MINDY3: variants seen among roughly 807,000 people sequenced by gnomAD.
MINDY3 encodes the protein ubiquitin carboxyl-terminal hydrolase MINDY-3.
Under a neutral mutation model 69.2 loss-of-function variants are expected in MINDY3, and 38 were observed. That is an observed-to-expected ratio of 0.55 (90% CI 0.42 to 0.72). MINDY3 has a LOEUF of 0.72. MINDY3 is among the 30% of genes least tolerant of loss of function. MINDY3 has a pLI of 0.00. For missense variants in MINDY3, 522 were observed against 519.0 expected, an observed-to-expected ratio of 1.01 and a Z score of -0.06; for synonymous variants, 192 against 180.1, an observed-to-expected ratio of 1.07 and a Z score of -0.53.
chr10:15,818,576 T>C (rs1160973090), intron 9 of MINDY3, among the ~76,000 whole-genome samples: 1 of 152,108 alleles, frequency 6.6e-6, no homozygotes, highest in African/African-American at 2.4e-5. Flanking sequence ...GCCCTAGTCA[T>C]AACAGCTAAA....
intron 8 of MINDY3, among the ~76,000 whole-genome samples, chr10:15,822,279 A>G (rs966263052): frequency 2.0e-5 from 3 of 152,182 alleles, no homozygotes; most frequent in African/African-American, 7.2e-5. Context: ...TCTGCCTTAG[A>G]AAGGCTATGA....
intron 12 of MINDY3, chr10:15,788,941 T>C: frequency 4.5e-6 from 1 of 220,334 alleles, no homozygotes; most frequent in South Asian, 8.8e-5. Context: ...GATACTAATG[T>C]CACATAAAAT....
chr10:15,815,818 G>A (rs1057291284), intron 10 of MINDY3, among the ~76,000 whole-genome samples: 1 of 152,180 alleles, frequency 6.6e-6, no homozygotes, highest in Non-Finnish European at 1.5e-5. Context: ...ACACAGGAAA[G>A]GGGGCTGAGA....
rs1241440812 is a variant in MINDY3, at chr10:15,779,055, C to T, written c.1275G>A (p.Leu425=). ...ACTCAATGTATGGCCATTTGGTTTG[C>T]AGACAGCGTTTAATAGGAGTGTCAT... is the stretch of plus-strand genomic sequence containing the variant. ...QTDDTPIKRC[L]QTKWPYIELL... is the part of the protein sequence containing the mutation. Residue 425 remains leucine (L), a synonymous_variant, in exon 15 of 15, where the codon CTG becomes CTA. Coordinates refer to ENST00000277632, the MANE Select transcript of MINDY3 (RefSeq NM_024948.4). 13 of 1,613,484 alleles carry T rather than the reference C, an allele frequency of 8.1e-6. No individual in the cohort carries two copies. Among genetic ancestry groups the T allele is most frequent in the African/African-American group, 1.3e-5 (1 of 74,878 alleles).
intron 10 of MINDY3, among the ~76,000 whole-genome samples, chr10:15,807,429 G>C (rs1168793332): frequency 2.6e-5 from 4 of 152,144 alleles, no homozygotes; most frequent in African/African-American, 9.7e-5. Context: ...CTGGGCAGAG[G>C]ATAACATAAG....
chr10:15,837,373 T>C (rs1358594906), intron 5 of MINDY3, 55 bp from the exon 6 acceptor site: 1 of 1,367,332 alleles, frequency 7.3e-7, no homozygotes, highest in Non-Finnish European at 1.0e-6. Flanking sequence ...ACTACATTCA[T>C]AAAAGGGAAA....
chr10:15,849,706 G>T (rs999814268), intron 1 of MINDY3, among the ~76,000 whole-genome samples: 3 of 152,112 alleles, frequency 2.0e-5, no homozygotes, highest in Admixed American at 2.0e-4. Context: ...TGGAGAGGGT[G>T]CCAGAGAGGG....
chr10:15,844,338 A>G (rs1213068219), intron 2 of MINDY3, among the ~76,000 whole-genome samples: 1 of 152,196 alleles, frequency 6.6e-6, no homozygotes, highest in East Asian at 1.9e-4. Flanking sequence ...ACAACATTTG[A>G]GAAGTGAGAT....
At chr10:15,834,779 A>G (rs1465051561) in intron 6 of MINDY3, among the ~76,000 whole-genome samples, 163 bp from the exon 7 acceptor site, 4 of 152,104 alleles carry the variant, frequency 2.6e-5, no homozygotes, top group African/African-American at 4.8e-5. Context: ...AGATAACTTT[A>G]AAAAATAGTT....
chr10:15,830,288 A>C (rs1177879693), intron 8 of MINDY3, among the ~76,000 whole-genome samples: 7 of 152,198 alleles, frequency 4.6e-5, no homozygotes, highest in Non-Finnish European at 7.4e-5. Flanking sequence ...AGCAGTGGCA[A>C]ACATGTATTG....
At chr10:15,821,826 C>A in intron 8 of MINDY3, 100 bp from the exon 9 acceptor site, 1 of 890,764 alleles carries the variant, frequency 1.1e-6, no homozygotes, top group Admixed American at 2.8e-5. Flanking sequence ...TTATACTACA[C>A]CAAAACTTTT....
chr10:15,843,390 C>G (rs114954861), intron 2 of MINDY3, 118 bp from the exon 3 acceptor site: 5 of 803,948 alleles, frequency 6.2e-6, no homozygotes, highest in Non-Finnish European at 8.4e-6. Flanking sequence ...TTGACTAGTT[C>G]TGTAAAGATG....
At chr10:15,804,053 T>C (rs1209560299) in intron 10 of MINDY3, among the ~76,000 whole-genome samples, 1 of 152,188 alleles carries the variant, frequency 6.6e-6, no homozygotes, top group Non-Finnish European at 1.5e-5. Context: ...AAGCTCTGAT[T>C]TACCATCAAA....
intron 1 of MINDY3, chr10:15,857,998 T>C: frequency 1.1e-6 from 1 of 937,812 alleles, no homozygotes; most frequent in Non-Finnish European, 1.3e-6. Context: ...TGATGTCACA[T>C]TAGTAATGCA....
intron 1 of MINDY3, 34 bp from the exon 2 acceptor site, chr10:15,847,977 T>C (rs749104486): frequency 3.9e-6 from 6 of 1,546,716 alleles, no homozygotes; most frequent in Middle Eastern, 1.7e-4. Flanking sequence ...AGATTAAAAA[T>C]ATAATTCAAG....
intron 8 of MINDY3, among the ~76,000 whole-genome samples, chr10:15,829,288 G>A (rs1033682323): frequency 3.3e-5 from 5 of 152,140 alleles, no homozygotes; most frequent in African/African-American, 7.2e-5. Flanking sequence ...TGTTTTTAAC[G>A]ACCGGGAGGC....
In MINDY3 at chr10:15,860,432, G is replaced by A. The variant is rs1157021490; in HGVS notation, c.-133C>T. 3 of 720,336 alleles carry A rather than the reference G, an allele frequency of 4.2e-6. No individual in the cohort carries two copies. Among genetic ancestry groups the A allele is most frequent in the African/African-American group, 3.6e-5 (2 of 56,312 alleles). 44.6% of individuals were successfully genotyped at this position (720,336 alleles called of 1,614,324 possible). A position where few individuals can be genotyped will look rare whatever the true frequency, so the allele number is the denominator to read the frequency against. ...TGGAAGGTGAGGCAGGAAAGAAGAA[G>A]GGGCTGAGAGCCACTTGCAGAGACC... On this transcript the variant is annotated 5_prime_UTR_variant, in exon 1 of 15. Coordinates refer to ENST00000277632, the MANE Select transcript of MINDY3 (RefSeq NM_024948.4).
chr10:15,797,129 A>C (rs1837899249), intron 10 of MINDY3, among the ~76,000 whole-genome samples: 1 of 152,068 alleles, frequency 6.6e-6, no homozygotes, highest in Non-Finnish European at 1.5e-5. Context: ...TGTTGTTCTA[A>C]TATCTCACCT....
At chr10:15,797,555 C>CA (rs1191955694) in intron 10 of MINDY3, among the ~76,000 whole-genome samples, 1 of 152,034 alleles carries the variant, frequency 6.6e-6, no homozygotes, top group African/African-American at 2.4e-5. Context: ...TCTGCTATTA[C>CA]AAAAAATGCT....
Sources: gnomAD v4.1 joint callset for allele counts (sites outside exome capture counted in the v4.1 genomes callset) on GRCh38, gnomAD v4.1.1 for gene constraint, MANE v1.5 for transcripts, NCBI Gene and HGNC (gene_info 2026-07-23, HGNC 2026-07-21) for gene names.